RTL1: variants seen among roughly 807,000 people sequenced by gnomAD.
RTL1 encodes retrotransposon Gag like 1, also known as retrotransposon-like protein 1.
For synonymous variants in RTL1, 727 were observed against 748.4 expected (o/e 0.97, Z 0.47); for missense variants, 1,681 against 1,767.5 (o/e 0.95, Z 0.88).
In RTL1 at chr14:100,882,554, G is replaced by T; in HGVS notation, c.2235C>A (p.His745Gln). 4 of 1,551,808 alleles carry T rather than the reference G, an allele frequency of 2.6e-6. No individual in the cohort carries two copies. Among genetic ancestry groups the T allele is most frequent in the Non-Finnish European group, 2.6e-6 (3 of 1,147,036 alleles). Residue 745 changes from histidine to glutamine, a missense_variant, in exon 4 of 4, where the codon CAC (histidine) becomes CAA (glutamine). Physicochemically the swap from His to Gln is conservative, Grantham distance 24. Transcript: ENST00000649591. Reference sequence around the variant, plus strand: ...CCAGGACTTGGCGGACGTGGTGGAGGTGCTCCTCCTGACTCATTGAGTAGA... The same window carrying T: ...CCAGGACTTGGCGGACGTGGTGGAGTTGCTCCTCCTGACTCATTGAGTAGA... ...VLIYSMSQEE[H>Q]LHHVRQVLVR...
chr14:100,899,660 G>C (rs1189311261), intron 2 of RTL1, among the ~76,000 whole-genome samples: 2 of 151,274 alleles, frequency 1.3e-5, no homozygotes, highest in Non-Finnish European at 2.9e-5. Flanking sequence ...GACTTGAGCT[G>C]CGTGTCCTTG....
chr14:100,896,635 C>T (rs527479196), intron 2 of RTL1, among the ~76,000 whole-genome samples: 1 of 147,478 alleles, frequency 6.8e-6, no homozygotes, highest in African/African-American at 2.5e-5. Flanking sequence ...GGGGTGCCTC[C>T]TCTGGATGTG....
At chr14:100,900,566 C>A (rs956516058) in intron 2 of RTL1, among the ~76,000 whole-genome samples, 2 of 152,194 alleles carry the variant, frequency 1.3e-5, no homozygotes, top group Non-Finnish European at 2.9e-5. Flanking sequence ...CCTCAAGCAA[C>A]GGGGCAAGGG....
At chr14:100,900,435 G>A (rs571178202) in intron 2 of RTL1, among the ~76,000 whole-genome samples, 7 of 152,336 alleles carry the variant, frequency 4.6e-5, no homozygotes, top group Admixed American at 3.9e-4. Context: ...TTACTCGGGA[G>A]CGTGAGCCTG....
In RTL1 at chr14:100,882,350, G is replaced by A; in HGVS notation, c.2439C>T (p.Ile813=). Residue 813 remains isoleucine (I), a synonymous_variant, in exon 4 of 4, where the codon ATC becomes ATT. Coordinates refer to ENST00000649591, the MANE Select transcript of RTL1 (RefSeq NM_001134888.3). ...PGSKLSLRNF[I]EFVFPYRHFV... ...AGTGGCGGTAGGGGAAGACGAATTC[G>A]ATGAAGTTTCGCAGAGATAGCTTGG... The A allele has an allele frequency of 1.9e-6, 3 of 1,551,688 alleles. No homozygotes were observed. Among genetic ancestry groups the A allele is most frequent in the Non-Finnish European group, 2.6e-6 (3 of 1,146,994 alleles).
chr14:100,902,606 A>G (rs993412691), intron 2 of RTL1, among the ~76,000 whole-genome samples: 1 of 142,940 alleles, frequency 7.0e-6, no homozygotes, highest in Non-Finnish European at 1.6e-5. Flanking sequence ...TCAGCCCTGC[A>G]GTAGCAGCAG....
intron 3 of RTL1, among the ~76,000 whole-genome samples, chr14:100,891,641 G>T (rs896463032): frequency 5.9e-5 from 9 of 152,234 alleles, no homozygotes; most frequent in African/African-American, 2.2e-4. Context: ...AGGGGCGTGT[G>T]CCGCCTGCGG....
In RTL1 at chr14:100,883,043, G is replaced by A. The variant is rs1429776093; in HGVS notation, c.1746C>T (p.Asp582=). Residue 582 remains aspartate (D), a synonymous_variant, in exon 4 of 4, where the codon GAC becomes GAT. Coordinates refer to ENST00000649591, the MANE Select transcript of RTL1 (RefSeq NM_001134888.3). This position sits in a 1 kb window ranked among gnomAD's most constrained non-coding sequence, Gnocchi z 5.9. The stretch of plus-strand genomic sequence containing the variant: ...CTGATTCAGAAAGATCATCGGATCC[G>A]TCTGAGCTTGGCTGGTCGGAAGTCT... ...DDETSDQPSS[D]GSDDLSESEP... 1.9e-6 allele frequency: 3 copies of A among 1,614,154 alleles called. No individual in the cohort carries two copies. Among genetic ancestry groups the A allele is most frequent in the Non-Finnish European group, 1.7e-6 (2 of 1,180,044 alleles).
intron 3 of RTL1, among the ~76,000 whole-genome samples, chr14:100,889,979 C>T (rs995146842): frequency 1.3e-5 from 2 of 150,950 alleles, no homozygotes; most frequent in Non-Finnish European, 2.9e-5. Context: ...ATCATATTCT[C>T]AGTCCTTCAG....
At chr14:100,897,751 C>CGGGGGGGGGGGGGG (rs67432304) in intron 2 of RTL1, 1 of 49,800 alleles carries the variant, frequency 2.0e-5, no homozygotes, top group Non-Finnish European at 3.8e-5. Context: ...CCCTGGTTGG[C>CGGGGGGGGGGGGGG]GGGGGGGGGG....
Position 100,882,797 on chromosome 14 carries a change from T to C in RTL1, c.1992A>G (p.Thr664=), listed in dbSNP as rs1331829879. 2 of 1,551,780 alleles carry C rather than the reference T, an allele frequency of 1.3e-6. No homozygotes were observed. The highest frequency in any genetic ancestry group is 1.7e-6 in the Non-Finnish European group (2 of 1,147,054). ...CAATGGTCCCACGCAGCTCCAGTTT[T>C]GTGAACCACTCGGCTCCGTGTAACT... ...FDQLHGAEWF[T]KLELRGTIVE... The change falls in exon 4 of 4, where the codon ACA becomes ACG. Residue 664 remains threonine, a synonymous_variant. Transcript: ENST00000649591.
intron 3 of RTL1, among the ~76,000 whole-genome samples, chr14:100,885,640 C>G (rs1197190411): frequency 1.3e-5 from 2 of 151,314 alleles, no homozygotes; most frequent in African/African-American, 4.9e-5. Flanking sequence ...TCGATTTGGT[C>G]TCCTTCCAAT....
In RTL1 at chr14:100,880,727, A is replaced by ATCT. The variant is rs1266027023; in HGVS notation, c.4059_4061dup (p.Glu1353dup). On this transcript the variant is annotated inframe_insertion, in exon 4 of 4. Transcript: ENST00000649591. ...GGAGGCGTCTTCAGTCGAGGTTAGC[A>ATCT]TCTTCGTCCTCATCAGGCAGCTCTT... 1.9e-6 allele frequency: 3 copies of ATCT among 1,550,704 alleles called. No homozygotes were observed. The African/African-American group carries it at 4.1e-5, about 21-fold the overall frequency.
At chr14:100,890,025 A>G (rs2038748121) in intron 3 of RTL1, among the ~76,000 whole-genome samples, 1 of 149,414 alleles carries the variant, frequency 6.7e-6, no homozygotes, top group Non-Finnish European at 1.5e-5. Context: ...AAATCTCATG[A>G]CAGTTTCTTT....
Position 100,884,830 on chromosome 14 carries a change from T to A in RTL1, c.-42A>T. On this transcript the variant is annotated 5_prime_UTR_variant, in exon 4 of 4. Transcript: ENST00000649591. ...GAGTGTATTCTGAAGATTGGTAAGG[T>A]TGTGATGGCGTCCAGTCAGTAGCTG... 1 of 1,513,572 alleles carries A rather than the reference T, an allele frequency of 6.6e-7. No homozygotes were observed. Among genetic ancestry groups the A allele is most frequent in the Non-Finnish European group, 8.9e-7 (1 of 1,128,572 alleles). The allele number at this position is 1,513,572 out of a possible 1,614,324, so 93.8% of individuals were successfully genotyped here.
intron 3 of RTL1, chr14:100,889,683 G>A (rs1566757425): frequency 6.6e-6 from 1 of 152,250 alleles, no homozygotes; most frequent in Admixed American, 6.5e-5. Flanking sequence ...AGGAAATGGA[G>A]GCAGACCCAT....
rs1405789468 is a variant in RTL1, at chr14:100,884,318, C to T, written c.471G>A (p.Glu157=). 5 of 1,547,998 alleles carry T rather than the reference C, an allele frequency of 3.2e-6. No individual in the cohort carries two copies. The highest frequency in any genetic ancestry group is 3.5e-6 in the Non-Finnish European group (4 of 1,144,626). The part of the protein sequence containing the change: ...EETPQEQNQT[E]HSTAELMAMV... ...TGGCCATAAGTTCTGCGGTTGAGTG[C>T]TCGGTCTGGTTTTGCTCTTGAGGAG... The change falls in exon 4 of 4, where the codon GAG becomes GAA. Residue 157 remains glutamate (E), a synonymous_variant. Transcript: ENST00000649591.
chr14:100,889,576 G>A (rs1249654761), intron 3 of RTL1: 1 of 151,544 alleles, frequency 6.6e-6, no homozygotes, highest in African/African-American at 2.4e-5. Flanking sequence ...TCTTTTTTTT[G>A]TTTAACCACG....
intron 3 of RTL1, among the ~76,000 whole-genome samples, chr14:100,886,178 C>T (rs566601799): frequency 1.3e-5 from 2 of 150,326 alleles, no homozygotes; most frequent in African/African-American, 4.9e-5. Context: ...CCTTTTGTTA[C>T]TTCTGAGTTT....
Sources: allele counts gnomAD v4.1 joint callset (sites outside exome capture counted in the v4.1 genomes callset), GRCh38; gene constraint gnomAD v4.1.1; non-coding constraint Gnocchi (gnomAD v3.1); transcripts MANE v1.5; gene names NCBI Gene and HGNC (gene_info 2026-07-23, HGNC 2026-07-21).